NWD2: variants seen among roughly 807,000 people sequenced by gnomAD.
NWD2 encodes the protein NACHT and WD repeat domain containing 2, also known as NACHT and WD repeat domain-containing protein 2.
NWD2 carries 37 observed loss-of-function variants against 132.7 expected under a neutral mutation model. That is an observed-to-expected ratio of 0.28 (90% CI 0.21 to 0.37). The LOEUF is 0.37. Among genes scored for constraint, NWD2 ranks in the 10% least tolerant of loss-of-function variants. The pLI is 1.00. For missense variants in NWD2, 1,592 were observed against 2,122.4 expected (o/e 0.75, Z 4.91); for synonymous variants, 705 against 803.0 (o/e 0.88, Z 2.06).
At chr4:37,249,267 G>A (rs952578956) in intron 1 of NWD2, among the ~76,000 whole-genome samples, 2 of 152,192 alleles carry the variant, frequency 1.3e-5, no homozygotes, top group Non-Finnish European at 2.9e-5. Flanking sequence ...GTTACTTCAA[G>A]TTTTGCTACC....
At chr4:37,343,305 C>T (rs1204891723) in intron 2 of NWD2, among the ~76,000 whole-genome samples, 1 of 152,220 alleles carries the variant, frequency 6.6e-6, no homozygotes, top group African/African-American at 2.4e-5. Flanking sequence ...CTTAGTACAA[C>T]AATCTTCTTG....
chr4:37,245,082 C>T lies in NWD2; in HGVS notation c.15C>T (p.Gly5=). 6.5e-7 allele frequency: 1 copy of T among 1,545,848 alleles called. No homozygotes were observed. Residue 5 remains glycine (G), a synonymous_variant, in exon 1 of 7, where the codon GGC becomes GGT. Coordinates refer to ENST00000309447, the MANE Select transcript of NWD2 (RefSeq NM_001144990.2). ...CCCAGAGGGCGATGTGGCCGGCCGG[C>T]GCGGGCACCAAGCTGCCCTGTCCCC... The part of the protein sequence containing the change: MWPA[G]AGTKLPCPRD...
intron 3 of NWD2, among the ~76,000 whole-genome samples, chr4:37,372,145 G>T (rs1368811827): frequency 6.6e-6 from 1 of 151,724 alleles, no homozygotes; most frequent in Non-Finnish European, 1.5e-5. Flanking sequence ...CATTTTACTT[G>T]TCTCTACCTC....
intron 3 of NWD2, among the ~76,000 whole-genome samples, chr4:37,394,909 T>C (rs1197015240): frequency 7.0e-6 from 1 of 143,256 alleles, no homozygotes; most frequent in African/African-American, 2.6e-5. Flanking sequence ...GCCTCCTGGG[T>C]TCCAGTGATT....
At position 37,448,700 on chromosome 4, in the gene NWD2, A is replaced by T. The variant is rs929493664; in HGVS notation, c.*1483A>T. The T allele has an allele frequency of 6.6e-6, 1 of 152,174 alleles. No homozygotes were observed. The highest frequency in any genetic ancestry group is 1.5e-5 in the Non-Finnish European group (1 of 68,010). 9.4% of individuals were successfully genotyped at this position (152,174 alleles called of 1,614,324 possible). A position where few individuals can be genotyped will look rare whatever the true frequency, so the allele number is the denominator to read the frequency against. On this transcript the variant is annotated 3_prime_UTR_variant, in exon 7 of 7. Transcript: ENST00000309447. ...CTAGGCCCAGCTCTGCCATAAACTC[A>T]TTGTGTATTCCTAGACAGGTCTTTA...
At chr4:37,269,525 A>C (rs1441874622) in intron 1 of NWD2, among the ~76,000 whole-genome samples, 1 of 151,870 alleles carries the variant, frequency 6.6e-6, no homozygotes, top group Non-Finnish European at 1.5e-5. Flanking sequence ...TCTCCATCCT[A>C]TAAAAGCACC....
At chr4:37,359,390 A>G (rs1469734026) in intron 3 of NWD2, among the ~76,000 whole-genome samples, 1 of 151,466 alleles carries the variant, frequency 6.6e-6, no homozygotes, top group Non-Finnish European at 1.5e-5. Flanking sequence ...ATAGAAAAAG[A>G]AAAAAAAAGT....
At chr4:37,411,144 C>G (rs1721147231) in intron 3 of NWD2, among the ~76,000 whole-genome samples, 2 of 152,060 alleles carry the variant, frequency 1.3e-5, no homozygotes, top group African/African-American at 4.8e-5. Flanking sequence ...TAACTAAGAT[C>G]AGAGCAGAAC....
intron 2 of NWD2, among the ~76,000 whole-genome samples, chr4:37,336,163 G>A (rs960573322): frequency 2.0e-5 from 3 of 151,978 alleles, no homozygotes; most frequent in African/African-American, 7.3e-5. Flanking sequence ...TTTTGTGAAG[G>A]TCATTTCCAA....
At chr4:37,417,381 T>A (rs1711649601) in intron 3 of NWD2, among the ~76,000 whole-genome samples, 1 of 151,968 alleles carries the variant, frequency 6.6e-6, no homozygotes, top group South Asian at 2.1e-4. Flanking sequence ...GTACAAAATA[T>A]GTCTCATATA....
At chr4:37,307,155 G>A (rs1214822025) in intron 1 of NWD2, among the ~76,000 whole-genome samples, 1 of 152,188 alleles carries the variant, frequency 6.6e-6, no homozygotes, top group Non-Finnish European at 1.5e-5. Context: ...AATGTTGGCT[G>A]CAGTTTGGTA....
intron 1 of NWD2, among the ~76,000 whole-genome samples, chr4:37,256,962 C>T (rs1396680981): frequency 6.6e-6 from 1 of 152,144 alleles, no homozygotes. Context: ...AATCTGGGCT[C>T]TGATTTGGCC....
Position 37,423,310 on chromosome 4 carries a change from AATTT to A in NWD2, c.358-7258_358-7255del, listed in dbSNP as rs557952458. Among the ~76,000 whole-genome samples, 369 of 152,280 alleles carry A rather than the reference AATTT, an allele frequency of 2.4e-3. 1 individual carries two copies. The highest frequency in any genetic ancestry group is 8.3e-3 in the African/African-American group (346 of 41,546). The stretch of plus-strand genomic sequence containing the variant: ...TAGTCACTTGTCATTATTATTTTGC[AATTT>A]ATTATCATTTTCCCATCTCCCCCTG... On this transcript the variant is annotated intron_variant, in intron 3 of 6. Coordinates refer to ENST00000309447, the MANE Select transcript of NWD2 (RefSeq NM_001144990.2).
intron 1 of NWD2, among the ~76,000 whole-genome samples, chr4:37,305,299 C>T (rs1560390122): frequency 6.6e-6 from 1 of 152,182 alleles, no homozygotes; most frequent in African/African-American, 2.4e-5. Context: ...CTGCCAAGGT[C>T]CCTGAAATTC....
chr4:37,397,020 T>G (rs1720804614), intron 3 of NWD2, among the ~76,000 whole-genome samples: 1 of 104,586 alleles, frequency 9.6e-6, no homozygotes, highest in Admixed American at 1.2e-4. Context: ...GTGACAAGAG[T>G]GAAACTCTGT....
intron 2 of NWD2, among the ~76,000 whole-genome samples, chr4:37,345,336 A>C (rs1383199707): frequency 6.6e-6 from 1 of 152,200 alleles, no homozygotes; most frequent in Non-Finnish European, 1.5e-5. Context: ...TATTCCCATC[A>C]GCAATGTATG....
rs1577704433 is a variant in NWD2, at chr4:37,443,665, T to C, written c.1677T>C (p.Leu559=). 6.4e-7 allele frequency: 1 copy of C among 1,552,070 alleles called. No individual in the cohort carries two copies. Among genetic ancestry groups the C allele is most frequent in the East Asian group, 2.4e-5 (1 of 40,912 alleles). ...GGATCTTGCAGAAACTAAGGTGCCT[T>C]ATCCATGAAGAAGACAACTACATCG... ...KHGILQKLRC[L]IHEEDNYIEL... Residue 559 remains leucine (L), a synonymous_variant, in exon 7 of 7, where the codon CTT becomes CTC. Transcript: ENST00000309447. The surrounding 1 kb of genome is among the most constrained non-coding windows in gnomAD (Gnocchi z 4.1).
intron 1 of NWD2, among the ~76,000 whole-genome samples, chr4:37,289,750 A>G (rs928727214): frequency 6.6e-6 from 1 of 152,200 alleles, no homozygotes; most frequent in Non-Finnish European, 1.5e-5. Flanking sequence ...CTTTAGCTAA[A>G]TATGGAACAT....
At chr4:37,335,981 C>T (rs1469743636) in intron 2 of NWD2, among the ~76,000 whole-genome samples, 1 of 151,550 alleles carries the variant, frequency 6.6e-6, no homozygotes, top group Non-Finnish European at 1.5e-5. Flanking sequence ...GTCACAGATG[C>T]AAGCCACATA....
Sources: gnomAD v4.1 joint callset for allele counts (sites outside exome capture counted in the v4.1 genomes callset) on GRCh38, gnomAD v4.1.1 for gene constraint, Gnocchi (gnomAD v3.1) non-coding constraint, MANE v1.5 for transcripts, NCBI Gene and HGNC (gene_info 2026-07-23, HGNC 2026-07-21) for gene names.